Variants in RIOX2 observed in about 807,000 individuals in gnomAD.
The protein encoded by RIOX2 is 60S ribosomal protein L27a histidine hydroxylase.
A neutral mutation model predicts 51.2 loss-of-function variants in RIOX2; 43 were observed. The observed-to-expected ratio is 0.84, with a 90% CI of 0.66 to 1.08. The LOEUF (loss-of-function observed/expected upper bound fraction) is 1.08, where lower values mean the gene tolerates loss of function less well. Ranked by LOEUF, RIOX2 falls within the 50% of genes least tolerant of loss-of-function variation. The pLI is 0.00. For missense variants in RIOX2, 566 were observed against 561.7 expected (o/e 1.01, Z -0.08); for synonymous variants, 226 against 218.5 (o/e 1.03, Z -0.30).
Position 97,949,883 on chromosome 3 carries a change from G to C in RIOX2, c.1021C>G (p.Pro341Ala), listed in dbSNP as rs147454535. The C allele has an allele frequency of 7.4e-6, 12 of 1,613,682 alleles. No individual in the cohort carries two copies. Among genetic ancestry groups the C allele is most frequent in the Admixed American group, 5.0e-5 (3 of 59,976 alleles). The change falls in exon 7 of 10, where the codon CCT (proline) becomes GCT (alanine). Residue 341 changes from proline to alanine, a missense_variant. Transcript: ENST00000394198. Reference protein sequence around the residue: ...KKDFIMHRLPPYSAGDGAELS... With the variant: ...KKDFIMHRLPAYSAGDGAELS... ...TCTGCCCCATCTCCCGCAGAGTAAG[G>C]GGGGAGTCTGTGCATAATAAAATCC...
intron 4 of RIOX2, among the ~76,000 whole-genome samples, chr3:97,958,472 AC>A (rs1289158332): frequency 6.6e-6 from 1 of 152,178 alleles, no homozygotes; most frequent in Non-Finnish European, 1.5e-5. Flanking sequence ...ATGCCAAGGA[AC>A]CTGCACATGA....
chr3:97,942,642 T>G lies in RIOX2; in HGVS notation c.*2542A>C. The G allele has an allele frequency of 2.0e-6, 1 of 501,900 alleles. No individual in the cohort carries two copies. The highest frequency in any genetic ancestry group is 3.5e-6 in the Non-Finnish European group (1 of 288,684). The allele number at this position is 501,900 out of a possible 1,614,324, so 31.1% of individuals were successfully genotyped here. A position where few individuals can be genotyped will look rare whatever the true frequency, so the allele number is the denominator to read the frequency against. ...AGCCAAACAACAAAGCTTAGGGTTT[T>G]TGTTCATTAGTACAGTTGTAAAACT... On this transcript the variant is annotated 3_prime_UTR_variant, in exon 10 of 10. Coordinates refer to ENST00000394198, the MANE Select transcript of RIOX2 (RefSeq NM_153182.4).
intron 8 of RIOX2, 83 bp from the exon 9 acceptor site, chr3:97,945,970 A>G: frequency 1.1e-6 from 1 of 913,806 alleles, no homozygotes; most frequent in South Asian, 1.5e-5. Context: ...CCAATAGGTC[A>G]ACACCAAAAA....
chr3:97,965,221 A>AAAT (rs1230358371), intron 2 of RIOX2, among the ~76,000 whole-genome samples: 1 of 150,920 alleles, frequency 6.6e-6, no homozygotes, highest in Non-Finnish European at 1.5e-5. Context: ...AAAAAAAAAA[A>AAAT]AAAAAAAAGG....
In RIOX2 at chr3:97,944,044, A is replaced by G. The variant is rs1196048250; in HGVS notation, c.*1140T>C. On this transcript the variant is annotated 3_prime_UTR_variant, in exon 10 of 10. Transcript: ENST00000394198. ...CCAAGACATCCCTTTAGGTGACAAG[A>G]CTCTATAACAGTGGTTACCTGTCTC... is the stretch of plus-strand genomic sequence containing the variant. 6.6e-6 allele frequency: 1 copy of G among 151,340 alleles called. No homozygotes were observed. Among genetic ancestry groups the G allele is most frequent in the African/African-American group, 2.4e-5 (1 of 41,182 alleles). The allele number at this position is 151,340 out of a possible 1,614,324, so 9.4% of individuals were successfully genotyped here. A position where few individuals can be genotyped will look rare whatever the true frequency, so the allele number is the denominator to read the frequency against.
At position 97,943,517 on chromosome 3, in the gene RIOX2, T is replaced by TAAAG. The variant is rs2040280055; in HGVS notation, c.*1663_*1666dup. 4 of 516,816 alleles carry TAAAG rather than the reference T, an allele frequency of 7.7e-6. No individual in the cohort carries two copies. Among genetic ancestry groups the TAAAG allele is most frequent in the South Asian group, 5.4e-5 (2 of 37,326 alleles). 32.0% of individuals were successfully genotyped at this position (516,816 alleles called of 1,614,324 possible). ...TTCTTGCCATTACTCAGTGTTCCTA[T>TAAAG]AAAGAAAATATTATGATATCTTGGA... On this transcript the variant is annotated 3_prime_UTR_variant, in exon 10 of 10. Coordinates refer to ENST00000394198, the MANE Select transcript of RIOX2 (RefSeq NM_153182.4).
intron 5 of RIOX2, among the ~76,000 whole-genome samples, chr3:97,953,124 C>T (rs967721787): frequency 2.0e-5 from 3 of 152,136 alleles, no homozygotes; most frequent in Admixed American, 2.0e-4. Flanking sequence ...CCCCTACTTA[C>T]TCATCCTTTA....
chr3:97,949,236 A>G (rs1705139711), intron 7 of RIOX2, among the ~76,000 whole-genome samples: 1 of 152,024 alleles, frequency 6.6e-6, no homozygotes, highest in Admixed American at 6.6e-5. Context: ...TTCTTGTTCC[A>G]TTAGTTCCCA....
intron 4 of RIOX2, among the ~76,000 whole-genome samples, chr3:97,958,747 G>T (rs749966335): frequency 5.3e-5 from 8 of 152,176 alleles, no homozygotes; most frequent in Non-Finnish European, 1.2e-4. Context: ...TCCTCTAGAG[G>T]AGTCAGTGGT....
Position 97,961,639 on chromosome 3 carries a change from T to C in RIOX2, c.502A>G (p.Ile168Val). The C allele has an allele frequency of 1.2e-6, 2 of 1,612,946 alleles. No individual in the cohort carries two copies. The highest frequency in any genetic ancestry group is 2.2e-5 in the South Asian group (2 of 90,844). The part of the protein sequence containing the change: ...FGSLVGSNVY[I>V]TPAGSQGLPP... ...AGGCCCTGAGATCCTGCGGGAGTTA[T>C]GTACACATTCGAGCCAACCAAGGAG... Residue 168 changes from isoleucine (I) to valine (V), a missense_variant, in exon 3 of 10, where the codon ATA becomes GTA. Coordinates refer to ENST00000394198, the MANE Select transcript of RIOX2 (RefSeq NM_153182.4).
At position 97,944,163 on chromosome 3, in the gene RIOX2, G is replaced by A; in HGVS notation, c.*1021C>T. 1 of 150,074 alleles carries A rather than the reference G, an allele frequency of 6.7e-6. No homozygotes were observed. The highest frequency in any genetic ancestry group is 6.7e-5 in the Admixed American group (1 of 14,916). 9.3% of individuals were successfully genotyped at this position (150,074 alleles called of 1,614,324 possible). A position where few individuals can be genotyped will look rare whatever the true frequency, so the allele number is the denominator to read the frequency against. On this transcript the variant is annotated 3_prime_UTR_variant, in exon 10 of 10. Coordinates refer to ENST00000394198, the MANE Select transcript of RIOX2 (RefSeq NM_153182.4). ...TTTCAAATATCCAAATTAAAACACA[G>A]TAGCATTTGAACCTTGACCTTACCA...
intron 4 of RIOX2, among the ~76,000 whole-genome samples, chr3:97,955,154 C>G (rs868850017): frequency 1.2e-4 from 18 of 152,044 alleles, no homozygotes; most frequent in Admixed American, 1.3e-4. Flanking sequence ...CAGAGCCTAC[C>G]CTAGCAAAGC....
chr3:97,942,250 C>T lies in RIOX2; in HGVS notation c.*2934G>A. 1 of 1,565,648 alleles carries T rather than the reference C, an allele frequency of 6.4e-7. No individual in the cohort carries two copies. Among genetic ancestry groups the T allele is most frequent in the Non-Finnish European group, 8.7e-7 (1 of 1,149,688 alleles). On this transcript the variant is annotated 3_prime_UTR_variant, in exon 10 of 10. Transcript: ENST00000394198. Reference sequence around the variant, plus strand: ...AATTCAACTTACTTTAGCAAACATACTACTGCCAATTAATCATTTCTTAAC... The same window carrying T: ...AATTCAACTTACTTTAGCAAACATATTACTGCCAATTAATCATTTCTTAAC...
chr3:97,954,143 A>G, intron 5 of RIOX2: 1 of 440,956 alleles, frequency 2.3e-6, no homozygotes, highest in South Asian at 3.7e-5. Flanking sequence ...TTTCCAAACT[A>G]TGTGACTCTC....
At chr3:97,971,194 AG>A (rs1400360661) in intron 1 of RIOX2, among the ~76,000 whole-genome samples, 6 of 152,214 alleles carry the variant, frequency 3.9e-5, no homozygotes, top group Non-Finnish European at 5.9e-5. Context: ...CGGGGAGGGA[AG>A]TATGAATTTC....
intron 4 of RIOX2, among the ~76,000 whole-genome samples, chr3:97,955,158 G>C (rs372846242): frequency 2.6e-5 from 4 of 152,236 alleles, no homozygotes; most frequent in South Asian, 4.1e-4. Flanking sequence ...GCCTACCCTA[G>C]CAAAGCACCT....
intron 1 of RIOX2, among the ~76,000 whole-genome samples, chr3:97,968,469 A>G (rs185002516): frequency 2.0e-4 from 30 of 152,326 alleles, no homozygotes; most frequent in Non-Finnish European, 3.4e-4. Context: ...TAGCATCTCA[A>G]TAAAATGCAG....
At position 97,954,115 on chromosome 3, in the gene RIOX2, C is replaced by A. The variant is rs1054363709; in HGVS notation, c.785+277G>T. On this transcript the variant is annotated intron_variant, in intron 5 of 9. Coordinates refer to ENST00000394198, the MANE Select transcript of RIOX2 (RefSeq NM_153182.4). The stretch of plus-strand genomic sequence containing the variant: ...TGGCATCACTAACACACTGATGTAC[C>A]CACAGCTAGTCTCTTTCTTTCCAAA... 80 of 367,190 alleles carry A rather than the reference C, an allele frequency of 2.2e-4. 2 individuals carry two copies. In the Admixed American group the frequency reaches 2.9e-3, roughly 13 times the overall value. 22.7% of individuals were successfully genotyped at this position (367,190 alleles called of 1,614,324 possible).
chr3:97,969,466 A>T (rs1410675466), intron 1 of RIOX2, among the ~76,000 whole-genome samples: 1 of 152,224 alleles, frequency 6.6e-6, no homozygotes, highest in African/African-American at 2.4e-5. Context: ...CCTGACTGCT[A>T]TCCTTTGAAA....
Sources: allele counts gnomAD v4.1 joint callset (sites outside exome capture counted in the v4.1 genomes callset), GRCh38; gene constraint gnomAD v4.1.1; transcripts MANE v1.5; gene names NCBI Gene and HGNC (gene_info 2026-07-23, HGNC 2026-07-21).